Variants in TCF7L2 observed in about 807,000 individuals in gnomAD.
TCF7L2 encodes transcription factor 7 like 2.
Under a neutral mutation model 77.9 loss-of-function variants are expected in TCF7L2, and 23 were observed. The observed-to-expected ratio is 0.30, with a 90% CI of 0.21 to 0.42. The LOEUF (loss-of-function observed/expected upper bound fraction) is 0.42, where lower values mean the gene tolerates loss of function less well. Among genes scored for constraint, TCF7L2 ranks in the 10% least tolerant of loss-of-function variants. The pLI, the probability that TCF7L2 is intolerant of heterozygous loss-of-function variation, is 1.00. For missense variants in TCF7L2, 654 were observed against 793.1 expected (o/e 0.82, Z 2.11); for synonymous variants, 413 against 340.2 (o/e 1.21, Z -2.36).
chr10:112,956,216 T>G (rs2033553008), intron 3 of TCF7L2, among the ~76,000 whole-genome samples: 1 of 152,138 alleles, frequency 6.6e-6, no homozygotes, highest in Non-Finnish European at 1.5e-5. Flanking sequence ...CTGGAAGTTA[T>G]GTGGAAGTTG....
chr10:113,023,414 T>G (rs769534978), intron 4 of TCF7L2, among the ~76,000 whole-genome samples: 22 of 152,190 alleles, frequency 1.4e-4, no homozygotes, highest in Non-Finnish European at 2.8e-4. Context: ...AAGCCCCTTT[T>G]CAAGGGACAT....
chr10:113,004,119 A>G (rs983235501), intron 4 of TCF7L2, among the ~76,000 whole-genome samples: 10 of 152,184 alleles, frequency 6.6e-5, no homozygotes, highest in Admixed American at 6.5e-4. Context: ...AGATTCCACC[A>G]GTTCATTGAA....
intron 3 of TCF7L2, among the ~76,000 whole-genome samples, chr10:112,964,212 T>G (rs994221361): frequency 2.0e-5 from 3 of 152,156 alleles, no homozygotes; most frequent in Non-Finnish European, 2.9e-5. Flanking sequence ...CACAGTTCAT[T>G]TTTCTTCAGC....
chr10:113,028,445 C>T (rs1205523306), intron 4 of TCF7L2, among the ~76,000 whole-genome samples: 2 of 152,064 alleles, frequency 1.3e-5, no homozygotes, highest in Non-Finnish European at 2.9e-5. Flanking sequence ...TGTAGCGTTA[C>T]GAAGCATCTC....
At position 113,165,734 on chromosome 10, in the gene TCF7L2, A is replaced by AC. The variant is rs1193915978; in HGVS notation, c.1576dup (p.Leu526ProfsTer17). Reference sequence around the variant, plus strand: ...CCTCTGTCGCTGTCCCTGAAGCCCGACCCCCTGGCCCACCTGTCCATGATG... The same window carrying AC: ...CCTCTGTCGCTGTCCCTGAAGCCCGACCCCCCTGGCCCACCTGTCCATGATG... On this transcript the variant is annotated frameshift_variant, in exon 14 of 14. Coordinates refer to ENST00000627217, the MANE Select transcript of TCF7L2 (RefSeq NM_001146274.2). LOFTEE classifies it high-confidence loss of function. The AC allele has an allele frequency of 6.2e-7, 1 of 1,600,506 alleles. No individual in the cohort carries two copies. Among genetic ancestry groups the AC allele is most frequent in the Non-Finnish European group, 8.5e-7 (1 of 1,176,006 alleles).
At chr10:112,952,999 C>T (rs973192654) in intron 3 of TCF7L2, among the ~76,000 whole-genome samples, 1 of 152,132 alleles carries the variant, frequency 6.6e-6, no homozygotes, top group Non-Finnish European at 1.5e-5. Context: ...TATTTACACA[C>T]ACGACTTTTG....
intron 4 of TCF7L2, among the ~76,000 whole-genome samples, chr10:113,006,575 T>C (rs1178563117): frequency 6.6e-6 from 1 of 152,256 alleles, no homozygotes; most frequent in Non-Finnish European, 1.5e-5. Context: ...AAGGAACTTT[T>C]CTGGCATCTC....
intron 4 of TCF7L2, among the ~76,000 whole-genome samples, chr10:113,018,710 C>T (rs544464470): frequency 6.6e-6 from 1 of 152,130 alleles, no homozygotes; most frequent in African/African-American, 2.4e-5. Context: ...TCGAGTGATC[C>T]GCCTGTCTTG....
At chr10:113,159,842 C>CA in intron 12 of TCF7L2, 78 bp from the exon 14 acceptor site, 1 of 60,934 alleles carries the variant, frequency 1.6e-5, no homozygotes, top group African/African-American at 3.4e-4. Context: ...CCCCCCCCCC[C>CA]CCCTCTTTCT....
intron 7 of TCF7L2, 91 bp from the exon 8 acceptor site, chr10:113,145,920 T>G: frequency 9.5e-7 from 1 of 1,051,320 alleles, no homozygotes; most frequent in Non-Finnish European, 1.5e-6. Flanking sequence ...TAAAGCTTAC[T>G]GTGCAGAGAG....
chr10:113,068,262 C>A lies in TCF7L2; in HGVS notation c.552+28136C>A, dbSNP rs188585461. ...GCTATGACTGGACAAAATAGAACAACTTTTTGGACAAAAAGGCTGCTGGAG... is the reference window on the plus strand; with the variant it reads ...GCTATGACTGGACAAAATAGAACAAATTTTTGGACAAAAAGGCTGCTGGAG... On this transcript the variant is annotated intron_variant, in intron 5 of 13. Transcript: ENST00000627217. Among the ~76,000 whole-genome samples, 5 of 152,350 alleles carry A rather than the reference C, an allele frequency of 3.3e-5. No individual in the cohort carries two copies. In the East Asian group the frequency reaches 9.6e-4, roughly 29 times the overall value.
intron 5 of TCF7L2, among the ~76,000 whole-genome samples, chr10:113,060,850 C>T (rs993913237): frequency 1.3e-5 from 2 of 151,996 alleles, no homozygotes; most frequent in Non-Finnish European, 1.5e-5. Context: ...TGGCTGAGTG[C>T]GAGGCAGCTG....
rs983800137 is a variant in TCF7L2 at position 113,166,266 on chromosome 10, T to C, written c.*294T>C. 1 of 282,444 alleles carries C rather than the reference T, an allele frequency of 3.5e-6. No individual in the cohort carries two copies. Among genetic ancestry groups the C allele is most frequent in the Non-Finnish European group, 6.5e-6 (1 of 152,972 alleles). The allele number at this position is 282,444 out of a possible 1,614,324, so 17.5% of individuals were successfully genotyped here. ...AAAATATATATATATACATAACTGT[T>C]ATGTAGTTCGGATAGCTTAGTTTTA... is the stretch of plus-strand genomic sequence containing the variant. On this transcript the variant is annotated 3_prime_UTR_variant, in exon 14 of 14. Transcript: ENST00000627217.
At chr10:113,118,157 C>G (rs2064139957) in intron 5 of TCF7L2, among the ~76,000 whole-genome samples, 1 of 151,892 alleles carries the variant, frequency 6.6e-6, no homozygotes. Flanking sequence ...AGGGGAGAAC[C>G]CTTGATGTTT....
At chr10:112,970,680 G>A (rs546672539) in intron 4 of TCF7L2, among the ~76,000 whole-genome samples, 10 of 152,214 alleles carry the variant, frequency 6.6e-5, no homozygotes, top group African/African-American at 2.4e-4. Flanking sequence ...TTTGCAGGGC[G>A]CTTGACTTTC....
At chr10:113,159,789 C>T in intron 12 of TCF7L2, 131 bp from the exon 14 acceptor site, 1 of 649,214 alleles carries the variant, frequency 1.5e-6, no homozygotes, top group Non-Finnish European at 2.7e-6. Flanking sequence ...TGATTTATTC[C>T]CTTTTTTATT....
At chr10:113,019,150 C>T (rs924042169) in intron 4 of TCF7L2, among the ~76,000 whole-genome samples, 1 of 152,234 alleles carries the variant, frequency 6.6e-6, no homozygotes, top group East Asian at 1.9e-4. Context: ...GAAGTCCTCA[C>T]GGACAGGAAT....
chr10:113,049,398 G>A (rs2054015361), intron 5 of TCF7L2, among the ~76,000 whole-genome samples: 1 of 151,984 alleles, frequency 6.6e-6, no homozygotes, highest in African/African-American at 2.4e-5. Flanking sequence ...ATCGTCGATT[G>A]CTCTTTTCTT....
intron 4 of TCF7L2, among the ~76,000 whole-genome samples, chr10:113,019,400 C>T (rs2047916412): frequency 6.6e-6 from 1 of 152,052 alleles, no homozygotes; most frequent in African/African-American, 2.4e-5. Context: ...GGGGGGGTGG[C>T]CCATGAGTCC....
Sources: allele counts gnomAD v4.1 joint callset (sites outside exome capture counted in the v4.1 genomes callset), GRCh38; gene constraint gnomAD v4.1.1; transcripts MANE v1.5; gene names NCBI Gene and HGNC (gene_info 2026-07-23, HGNC 2026-07-21).